The following SYT2 variants were observed in gnomAD, a reference collection of about 807,000 sequenced individuals.
SYT2 encodes synaptotagmin-2.
A neutral mutation model predicts 39.9 loss-of-function variants in SYT2; 15 were observed. The ratio of observed to expected loss-of-function variants is 0.38; its 90% CI spans 0.25 to 0.58. SYT2 has a LOEUF of 0.58. SYT2 is among the 20% of genes least tolerant of loss of function. The probability of loss-of-function intolerance (pLI) is 0.70; values close to 1 mark genes in which losing one functional copy is unlikely to be tolerated. For synonymous variants in SYT2, 181 were observed against 204.5 expected (o/e 0.89, Z 0.98); for missense variants, 389 against 530.3 (o/e 0.73, Z 2.62).
chr1:202,636,178 G>A (rs1332237814), intron 1 of SYT2, among the ~76,000 whole-genome samples: 2 of 152,094 alleles, frequency 1.3e-5, no homozygotes, highest in Non-Finnish European at 2.9e-5. Flanking sequence ...CTTCTCTCTT[G>A]CTAAGGAGCA....
chr1:202,621,192 G>A (rs1449163030), intron 1 of SYT2, among the ~76,000 whole-genome samples: 2 of 152,168 alleles, frequency 1.3e-5, no homozygotes, highest in African/African-American at 4.8e-5. Context: ...TGAACCCCAC[G>A]AAAATCTGCC....
rs1690419018 is a variant in SYT2, at chr1:202,599,426, G to C, written c.920-75C>G. The C allele has an allele frequency of 6.7e-7, 1 of 1,491,716 alleles. No homozygotes were observed. Among genetic ancestry groups the C allele is most frequent in the Admixed American group, 2.4e-5 (1 of 41,874 alleles). 92.4% of individuals were successfully genotyped at this position (1,491,716 alleles called of 1,614,324 possible). A position where few individuals can be genotyped will look rare whatever the true frequency, so the allele number is the denominator to read the frequency against. ...CTTCCTGCCGAATGTACCAAGGCCT[G>C]CCCAGAGCATCGGTCAAGAGGGGGT... On this transcript the variant is annotated intron_variant, in intron 7 of 8. Transcript: ENST00000367268. The surrounding 1 kb of genome is among the most constrained non-coding windows in gnomAD (Gnocchi z 4.4).
chr1:202,642,883 C>T (rs1015739881), intron 1 of SYT2, among the ~76,000 whole-genome samples: 1 of 152,244 alleles, frequency 6.6e-6, no homozygotes, highest in Non-Finnish European at 1.5e-5. Context: ...TGCGGCGAGT[C>T]GCCTTCGCTT....
chr1:202,600,818 C>T (rs1435366781), intron 6 of SYT2, among the ~76,000 whole-genome samples: 1 of 152,082 alleles, frequency 6.6e-6, no homozygotes, highest in African/African-American at 2.4e-5. Context: ...GTTTGGGCTC[C>T]CACCCCAGGC....
intron 1 of SYT2, among the ~76,000 whole-genome samples, chr1:202,635,408 G>A (rs1386997671): frequency 5.3e-5 from 8 of 152,214 alleles, no homozygotes; most frequent in South Asian, 4.1e-4. Context: ...GCAGGGTCAC[G>A]GGAGACAGGC....
chr1:202,678,912 C>A (rs1653454071), intron 1 of SYT2, among the ~76,000 whole-genome samples: 1 of 152,164 alleles, frequency 6.6e-6, no homozygotes, highest in Non-Finnish European at 1.5e-5. Flanking sequence ...GCCCTACATT[C>A]TGACACACAT....
chr1:202,650,285 G>A (rs1481091960), intron 1 of SYT2, among the ~76,000 whole-genome samples: 3 of 152,184 alleles, frequency 2.0e-5, no homozygotes, highest in African/African-American at 7.2e-5. Context: ...GCCTGCCTGA[G>A]AGGACCCCAG....
rs538973791 is a variant in SYT2 at position 202,653,761 on chromosome 1, C to T, written c.-17-47972G>A. ...GCTGTGTGACTACATCGCCACAACCCGCTGGACCTCTGTGGGTCACCACAG... is the reference window on the plus strand; with the variant it reads ...GCTGTGTGACTACATCGCCACAACCTGCTGGACCTCTGTGGGTCACCACAG... On this transcript the variant is annotated intron_variant, in intron 1 of 8. Coordinates refer to ENST00000367268, the MANE Select transcript of SYT2 (RefSeq NM_177402.5). Among the ~76,000 whole-genome samples, 13 of 152,302 alleles carry T rather than the reference C, an allele frequency of 8.5e-5. No homozygotes were observed. The South Asian group carries it at 1.2e-3, about 15-fold the overall frequency.
rs544820868 is a variant in SYT2 at position 202,602,981 on chromosome 1, C to G, written c.465+18G>C. On this transcript the variant is annotated intron_variant, in intron 4 of 8. Transcript: ENST00000367268. ...CTCTCCCCATTCCCCCACTCTGCCC[C>G]CCCACAGCCCTGCATACCTGATTAG... 6.7e-5 allele frequency: 108 copies of G among 1,601,646 alleles called. No homozygotes were observed. The East Asian group carries it at 1.4e-3, about 21-fold the overall frequency.
At chr1:202,681,398 A>C (rs1653522080) in intron 1 of SYT2, among the ~76,000 whole-genome samples, 1 of 152,232 alleles carries the variant, frequency 6.6e-6, no homozygotes. Flanking sequence ...GTCTCGTCTT[A>C]TTTAACTGGA....
At chr1:202,698,335 G>A (rs780151053) in intron 1 of SYT2, among the ~76,000 whole-genome samples, 16 of 152,242 alleles carry the variant, frequency 1.1e-4, no homozygotes, top group South Asian at 4.1e-4. Flanking sequence ...CCCTGTGCCC[G>A]CTGAAGAGCA....
chr1:202,707,674 C>CA (rs1220776111), intron 1 of SYT2, among the ~76,000 whole-genome samples: 1 of 152,246 alleles, frequency 6.6e-6, no homozygotes, highest in Non-Finnish European at 1.5e-5. Flanking sequence ...CCCCTGCTTC[C>CA]AGTGCACTCA....
chr1:202,648,166 G>T (rs1692125464), intron 1 of SYT2, among the ~76,000 whole-genome samples: 1 of 152,210 alleles, frequency 6.6e-6, no homozygotes. Flanking sequence ...TAAGGGCACA[G>T]TAAATGTTAG....
At chr1:202,659,616 G>A (rs1692342303) in intron 1 of SYT2, among the ~76,000 whole-genome samples, 2 of 152,190 alleles carry the variant, frequency 1.3e-5, no homozygotes, top group African/African-American at 4.8e-5. Flanking sequence ...TGGCTCTCAG[G>A]TGCCCAATTT....
chr1:202,604,796 A>G (rs926461825), intron 2 of SYT2, among the ~76,000 whole-genome samples, 175 bp from the exon 3 acceptor site: 1 of 136,832 alleles, frequency 7.3e-6, no homozygotes, highest in African/African-American at 2.8e-5. Context: ...TATACTTTGC[A>G]TGCCTTTTCA....
In SYT2 at chr1:202,599,762, G is replaced by A. The variant is rs1690432530; in HGVS notation, c.920-411C>T. Among the ~76,000 whole-genome samples the A allele has an allele frequency of 6.6e-6, 1 of 152,162 alleles. No individual in the cohort carries two copies. Among genetic ancestry groups the A allele is most frequent in the South Asian group, 2.1e-4 (1 of 4,824 alleles). ...TGAGGCCAAAGAACGGAAATGACCTGCCCGAGGTCACACAGCGGGTCAGTG... is the reference window on the plus strand; with the variant it reads ...TGAGGCCAAAGAACGGAAATGACCTACCCGAGGTCACACAGCGGGTCAGTG... On this transcript the variant is annotated intron_variant, in intron 7 of 8. Coordinates refer to ENST00000367268, the MANE Select transcript of SYT2 (RefSeq NM_177402.5). This position sits in a 1 kb window ranked among gnomAD's most constrained non-coding sequence, Gnocchi z 4.4.
intron 1 of SYT2, among the ~76,000 whole-genome samples, chr1:202,694,484 C>T (rs2149118719): frequency 6.6e-6 from 1 of 152,252 alleles, no homozygotes; most frequent in East Asian, 1.9e-4. Context: ...GGGCAGCCTG[C>T]CCACGTGGTG....
intron 1 of SYT2, among the ~76,000 whole-genome samples, chr1:202,652,922 T>C (rs939108368): frequency 3.3e-5 from 5 of 152,098 alleles, no homozygotes; most frequent in Admixed American, 2.6e-4. Context: ...AGAGCCTGAG[T>C]TGGCCTTTGA....
chr1:202,691,723 GAGAGGGGGGGAGAGAGA>G (rs1653831692), intron 1 of SYT2, among the ~76,000 whole-genome samples: 1 of 16,168 alleles, frequency 6.2e-5, no homozygotes, highest in African/African-American at 1.9e-4. Flanking sequence ...GAGGGAGAGG[GAGAGGGGGGGAGAGAGA>G]GAGAGAGAGA....
Sources: allele counts gnomAD v4.1 joint callset (sites outside exome capture counted in the v4.1 genomes callset), GRCh38; gene constraint gnomAD v4.1.1; non-coding constraint Gnocchi (gnomAD v3.1); transcripts MANE v1.5; gene names NCBI Gene and HGNC (gene_info 2026-07-23, HGNC 2026-07-21).